PXDNL: variants seen among roughly 807,000 people sequenced by gnomAD.
PXDNL encodes probable oxidoreductase PXDNL.
In PXDNL, 145 loss-of-function variants were observed where a neutral mutation model predicts 150.8. That is an observed-to-expected ratio of 0.96 (90% CI 0.84 to 1.10). The LOEUF (loss-of-function observed/expected upper bound fraction) is 1.10. PXDNL is among the 50% of genes least tolerant of loss of function. The probability of loss-of-function intolerance (pLI) is 0.00; values close to 1 mark genes in which losing one functional copy is unlikely to be tolerated. For missense variants in PXDNL, 2,087 were observed against 1,873.9 expected, an observed-to-expected ratio of 1.11 and a Z score of -2.10; for synonymous variants, 757 against 725.7, an observed-to-expected ratio of 1.04 and a Z score of -0.69.
At chr8:51,627,489 A>G (rs937584207) in intron 2 of PXDNL, among the ~76,000 whole-genome samples, 3 of 152,190 alleles carry the variant, frequency 2.0e-5, no homozygotes, top group African/African-American at 7.2e-5. Context: ...ATATTTCATT[A>G]TAGTGGCAAG....
chr8:51,654,754 C>T lies in PXDNL; in HGVS notation c.171G>A (p.Leu57=). 6.2e-7 allele frequency: 1 copy of T among 1,612,752 alleles called. No individual in the cohort carries two copies. The highest frequency in any genetic ancestry group is 8.5e-7 in the Non-Finnish European group (1 of 1,179,050). Residue 57 remains leucine, a synonymous_variant, in exon 2 of 23, where the codon TTG becomes TTA. Transcript: ENST00000356297. The part of the protein sequence containing the change: ...QVPQQTTVLD[L]RFNRIREIPG... ...GAATTTCTCTTATTCTGTTAAACCT[C>T]AAGTCTCTGGGAACATAAAAAGGTG... is the stretch of plus-strand genomic sequence containing the variant.
At chr8:51,643,662 G>A (rs895598150) in intron 2 of PXDNL, among the ~76,000 whole-genome samples, 4 of 152,158 alleles carry the variant, frequency 2.6e-5, no homozygotes, top group Non-Finnish European at 5.9e-5. Flanking sequence ...AACACCAAAA[G>A]CAATGGCAAC....
At chr8:51,537,027 A>G (rs1334828638) in intron 4 of PXDNL, among the ~76,000 whole-genome samples, 1 of 152,236 alleles carries the variant, frequency 6.6e-6, no homozygotes, top group Non-Finnish European at 1.5e-5. Flanking sequence ...CTTATAAAAT[A>G]CTGGTGATGA....
intron 5 of PXDNL, among the ~76,000 whole-genome samples, chr8:51,493,858 C>T (rs1379399767): frequency 6.6e-6 from 1 of 152,198 alleles, no homozygotes; most frequent in Non-Finnish European, 1.5e-5. Flanking sequence ...AAACAGTCTG[C>T]AGGATATTAT....
intron 2 of PXDNL, among the ~76,000 whole-genome samples, chr8:51,593,898 G>A (rs903622256): frequency 1.3e-5 from 2 of 152,192 alleles, no homozygotes; most frequent in African/African-American, 4.8e-5. Flanking sequence ...CAGTCAATGA[G>A]CCATTCAACT....
intron 19 of PXDNL, among the ~76,000 whole-genome samples, chr8:51,356,148 G>A (rs996690103): frequency 4.6e-5 from 7 of 152,062 alleles, no homozygotes; most frequent in African/African-American, 1.7e-4. Context: ...GGTTTTTTTG[G>A]TCTTGTTTCT....
chr8:51,399,280 G>A (rs1375207460), intron 17 of PXDNL, among the ~76,000 whole-genome samples: 2 of 152,178 alleles, frequency 1.3e-5, no homozygotes, highest in East Asian at 1.9e-4. Context: ...AGACGTGCAT[G>A]TAAGAGTTCA....
intron 21 of PXDNL, among the ~76,000 whole-genome samples, chr8:51,322,342 T>G (rs954288285): frequency 6.6e-6 from 1 of 151,120 alleles, no homozygotes; most frequent in African/African-American, 2.4e-5. Flanking sequence ...AAAAAAAATA[T>G]GTGTTAAAGC....
At chr8:51,602,762 T>A (rs1330605930) in intron 2 of PXDNL, among the ~76,000 whole-genome samples, 1 of 151,672 alleles carries the variant, frequency 6.6e-6, no homozygotes, top group East Asian at 1.9e-4. Flanking sequence ...AAATTAAACG[T>A]TTGTTTATGT....
At chr8:51,749,777 T>C (rs1359270554) in intron 1 of PXDNL, among the ~76,000 whole-genome samples, 1 of 152,182 alleles carries the variant, frequency 6.6e-6, no homozygotes, top group East Asian at 1.9e-4. Flanking sequence ...CTCGGCTCAC[T>C]GCAACCTCCG....
At chr8:51,352,984 T>C (rs1189331137) in intron 19 of PXDNL, among the ~76,000 whole-genome samples, 1 of 152,084 alleles carries the variant, frequency 6.6e-6, no homozygotes, top group Admixed American at 6.6e-5. Flanking sequence ...GTATTGAAGA[T>C]TACCTATTGA....
chr8:51,508,184 A>G (rs1811332165), intron 4 of PXDNL, among the ~76,000 whole-genome samples: 1 of 152,206 alleles, frequency 6.6e-6, no homozygotes, highest in Non-Finnish European at 1.5e-5. Context: ...AGGCTGGAAT[A>G]AAGGAAATGG....
At chr8:51,599,510 T>A (rs1813646632) in intron 2 of PXDNL, among the ~76,000 whole-genome samples, 1 of 151,144 alleles carries the variant, frequency 6.6e-6, no homozygotes, top group Admixed American at 6.6e-5. Context: ...AATTTCCATG[T>A]AAGGGTGAGG....
intron 17 of PXDNL, among the ~76,000 whole-genome samples, chr8:51,381,461 A>C (rs537184796): frequency 6.6e-6 from 1 of 152,098 alleles, no homozygotes. Context: ...AATTATTGCT[A>C]TGAGTTGAGT....
chr8:51,795,714 C>A (rs975702458), intron 1 of PXDNL, among the ~76,000 whole-genome samples: 1 of 152,140 alleles, frequency 6.6e-6, no homozygotes, highest in East Asian at 1.9e-4. Flanking sequence ...TCCTGCAGAC[C>A]CTGACCCAAT....
intron 5 of PXDNL, among the ~76,000 whole-genome samples, chr8:51,485,617 C>G (rs1283597096): frequency 6.6e-6 from 1 of 152,136 alleles, no homozygotes; most frequent in Admixed American, 6.5e-5. Flanking sequence ...GAGCCTTTCT[C>G]CTAATGTTTC....
intron 1 of PXDNL, among the ~76,000 whole-genome samples, chr8:51,662,135 A>T (rs1363330626): frequency 6.6e-6 from 1 of 152,202 alleles, no homozygotes; most frequent in Non-Finnish European, 1.5e-5. Flanking sequence ...AGTCCCTGGG[A>T]TCAGAAAATC....
intron 4 of PXDNL, among the ~76,000 whole-genome samples, chr8:51,524,686 T>C (rs184905593): frequency 1.3e-5 from 2 of 152,370 alleles, no homozygotes; most frequent in Non-Finnish European, 2.9e-5. Context: ...TTTACTTATC[T>C]TTCAAAAGGT....
intron 4 of PXDNL, among the ~76,000 whole-genome samples, chr8:51,543,947 G>T (rs1213045725): frequency 6.6e-6 from 1 of 152,126 alleles, no homozygotes; most frequent in African/African-American, 2.4e-5. Context: ...AATTGTAGAT[G>T]AGGAATAACT....
Sources: allele counts gnomAD v4.1 joint callset (sites outside exome capture counted in the v4.1 genomes callset), GRCh38; gene constraint gnomAD v4.1.1; transcripts MANE v1.5; gene names NCBI Gene and HGNC (gene_info 2026-07-23, HGNC 2026-07-21).